Variants in CAMKMT observed in about 807,000 individuals in gnomAD.
CAMKMT encodes calmodulin-lysine N-methyltransferase.
In CAMKMT, 53 loss-of-function variants were observed where a neutral mutation model predicts 48.0. That is an observed-to-expected ratio of 1.10 (90% CI 0.89 to 1.39). The LOEUF (loss-of-function observed/expected upper bound fraction) is 1.39. CAMKMT is among the 40% of genes most tolerant of loss of function. CAMKMT has a pLI of 0.00. For synonymous variants in CAMKMT, 165 were observed against 152.3 expected (o/e 1.08, Z -0.61); for missense variants, 428 against 402.7 (o/e 1.06, Z -0.54).
At chr2:44,433,727 C>T (rs181978731) in intron 3 of CAMKMT, among the ~76,000 whole-genome samples, 1,999 of 152,242 alleles carry the variant, frequency 0.013, 28 homozygotes, top group Non-Finnish European at 0.016. Flanking sequence ...CTTTTGAAAA[C>T]ATGCTTACAT....
chr2:44,506,359 T>C (rs548266012), intron 3 of CAMKMT, among the ~76,000 whole-genome samples: 32 of 152,304 alleles, frequency 2.1e-4, no homozygotes, highest in African/African-American at 7.0e-4. Context: ...TTCTCATGCC[T>C]TAAGGATTTT....
intron 3 of CAMKMT, among the ~76,000 whole-genome samples, chr2:44,546,076 TA>T (rs1667377937): frequency 2.0e-5 from 3 of 151,914 alleles, no homozygotes; most frequent in Non-Finnish European, 4.4e-5. Flanking sequence ...ATCTTTTATA[TA>T]GAGAGTTATC....
chr2:44,421,004 T>G (rs1213168704), intron 3 of CAMKMT, among the ~76,000 whole-genome samples: 9 of 152,184 alleles, frequency 5.9e-5, no homozygotes, highest in Admixed American at 5.9e-4. Flanking sequence ...TCAGCTTTGC[T>G]TATATCTGCT....
intron 3 of CAMKMT, among the ~76,000 whole-genome samples, chr2:44,416,853 G>T (rs1326471887): frequency 1.3e-5 from 2 of 151,944 alleles, no homozygotes; most frequent in Admixed American, 6.6e-5. Context: ...GGTATTACAG[G>T]TGTGAGCCAC....
At chr2:44,666,486 C>T (rs1286127114) in intron 3 of CAMKMT, among the ~76,000 whole-genome samples, 1 of 152,074 alleles carries the variant, frequency 6.6e-6, no homozygotes, top group African/African-American at 2.4e-5. Flanking sequence ...TCTCCTCCTG[C>T]AAATAGGGTG....
intron 2 of CAMKMT, among the ~76,000 whole-genome samples, chr2:44,374,829 AT>A (rs930027605): frequency 1.3e-5 from 2 of 151,196 alleles, no homozygotes; most frequent in Non-Finnish European, 3.0e-5. Flanking sequence ...GGCTGCCAAG[AT>A]TTTTTTTTTC....
intron 3 of CAMKMT, among the ~76,000 whole-genome samples, chr2:44,412,736 G>A (rs1338511387): frequency 3.9e-5 from 6 of 151,988 alleles, no homozygotes; most frequent in Non-Finnish European, 7.4e-5. Context: ...TTAAGCAATA[G>A]GAAACATCCT....
At chr2:44,590,958 A>G (rs1346351854) in intron 3 of CAMKMT, among the ~76,000 whole-genome samples, 1 of 152,026 alleles carries the variant, frequency 6.6e-6, no homozygotes, top group Non-Finnish European at 1.5e-5. Flanking sequence ...ATCCAGTTTC[A>G]GCTTTCTACA....
At chr2:44,603,044 A>G (rs1000153505) in intron 3 of CAMKMT, among the ~76,000 whole-genome samples, 2 of 151,402 alleles carry the variant, frequency 1.3e-5, no homozygotes, top group Non-Finnish European at 2.9e-5. Context: ...ATATATACAC[A>G]CACACACACA....
chr2:44,727,355 C>T (rs1468555603), intron 7 of CAMKMT, among the ~76,000 whole-genome samples: 1 of 152,104 alleles, frequency 6.6e-6, no homozygotes, highest in East Asian at 1.9e-4. Context: ...AGCTGTATTC[C>T]TAGGTATTTC....
intron 7 of CAMKMT, among the ~76,000 whole-genome samples, chr2:44,739,859 A>G (rs1267129719): frequency 6.6e-6 from 1 of 152,220 alleles, no homozygotes; most frequent in East Asian, 1.9e-4. Context: ...AGGGGGAAAT[A>G]ACTCCATGTT....
intron 3 of CAMKMT, chr2:44,631,405 ATAG>A: frequency 1.9e-6 from 1 of 514,730 alleles, no homozygotes; most frequent in Non-Finnish European, 3.4e-6. Flanking sequence ...AATAATAATA[ATAG>A]TAATAATAAT....
intron 3 of CAMKMT, among the ~76,000 whole-genome samples, chr2:44,460,335 G>T (rs189540656): frequency 6.6e-6 from 1 of 152,210 alleles, no homozygotes; most frequent in Non-Finnish European, 1.5e-5. Context: ...TTATTTCTTT[G>T]GAATTAAACT....
intron 3 of CAMKMT, among the ~76,000 whole-genome samples, chr2:44,494,578 C>G (rs1669669888): frequency 6.6e-6 from 1 of 152,212 alleles, no homozygotes; most frequent in Admixed American, 6.5e-5. Context: ...TGCTAACATG[C>G]AATTCAAAGT....
chr2:44,418,209 AG>A lies in CAMKMT; in HGVS notation c.376+27905del, dbSNP rs1208763232. ...CTCTGTCTCAAAAAAAAAAAAAAAAAGAATTGTAAGAGCTTATTATATACTC... is the reference window on the plus strand; with the variant it reads ...CTCTGTCTCAAAAAAAAAAAAAAAAAAATTGTAAGAGCTTATTATATACTC... On this transcript the variant is annotated intron_variant, in intron 3 of 10. Transcript: ENST00000378494. 7.9e-5 allele frequency among the ~76,000 whole-genome samples: 12 copies of A among 151,440 alleles called. No homozygotes were observed. The East Asian group carries it at 2.1e-3, about 27-fold the overall frequency.
At chr2:44,586,366 A>T (rs7571425) in intron 3 of CAMKMT, among the ~76,000 whole-genome samples, 90,973 of 151,342 alleles carry the variant, frequency 0.6, 27,844 homozygotes, top group Admixed American at 0.68. Context: ...TAATGAAACT[A>T]TTACCACAAT....
intron 2 of CAMKMT, among the ~76,000 whole-genome samples, chr2:44,373,675 C>G (rs944165897): frequency 6.6e-6 from 1 of 152,036 alleles, no homozygotes; most frequent in African/African-American, 2.4e-5. Flanking sequence ...AAAATTTTCA[C>G]AAAGGGTATC....
chr2:44,451,355 C>G (rs564298665), intron 3 of CAMKMT, among the ~76,000 whole-genome samples: 5 of 152,110 alleles, frequency 3.3e-5, no homozygotes, highest in Admixed American at 6.5e-5. Context: ...AATCGTTACC[C>G]TAATCCTTTT....
At chr2:44,475,930 T>A (rs1294462819) in intron 3 of CAMKMT, among the ~76,000 whole-genome samples, 1 of 152,204 alleles carries the variant, frequency 6.6e-6, no homozygotes, top group African/African-American at 2.4e-5. Context: ...AAACTGAAGC[T>A]TTAGGATATC....
Sources: allele counts gnomAD v4.1 joint callset (sites outside exome capture counted in the v4.1 genomes callset), GRCh38; gene constraint gnomAD v4.1.1; transcripts MANE v1.5; gene names NCBI Gene and HGNC (gene_info 2026-07-23, HGNC 2026-07-21).